The following PRICKLE1 variants were observed in gnomAD, a reference collection of about 807,000 sequenced individuals.
PRICKLE1 encodes prickle-like protein 1.
Under a neutral mutation model 70.2 loss-of-function variants are expected in PRICKLE1, and 14 were observed. That is an observed-to-expected ratio of 0.20 (90% confidence interval 0.13 to 0.31). The LOEUF (loss-of-function observed/expected upper bound fraction) is 0.31, where lower values mean the gene tolerates loss of function less well. Among genes scored for constraint, PRICKLE1 ranks in the 10% least tolerant of loss-of-function variants. The pLI is 1.00. For synonymous variants in PRICKLE1, 357 were observed against 379.9 expected (o/e 0.94, Z 0.70); for missense variants, 821 against 1,026.2 (o/e 0.80, Z 2.73).
chr12:42,578,452 C>CACAT lies in PRICKLE1; in HGVS notation c.-49+11009_-49+11012dup, dbSNP rs938889266. Among the ~76,000 whole-genome samples the CACAT allele has an allele frequency of 5.9e-5, 9 of 152,034 alleles. No homozygotes were observed. The East Asian group carries it at 1.7e-3, about 29-fold the overall frequency. Reference sequence around the variant, plus strand: ...AGGAAGTCACATAGCTTCCTTGTTGCACATATTCAATCTTCTATTAATATA... The same window carrying CACAT: ...AGGAAGTCACATAGCTTCCTTGTTGCACATACATATTCAATCTTCTATTAATATA... On this transcript the variant is annotated intron_variant, in intron 1 of 7. Transcript: ENST00000345127.
At chr12:42,521,402 T>C (rs961950623) in intron 1 of PRICKLE1, among the ~76,000 whole-genome samples, 1 of 152,014 alleles carries the variant, frequency 6.6e-6, no homozygotes, top group African/African-American at 2.4e-5. Flanking sequence ...TACAATACAG[T>C]TAAAAGCAGT....
intron 1 of PRICKLE1, among the ~76,000 whole-genome samples, chr12:42,482,366 T>A (rs986313544): frequency 6.6e-6 from 1 of 152,236 alleles, no homozygotes; most frequent in African/African-American, 2.4e-5. Context: ...TGCCATGGAA[T>A]GAGGGGCACC....
intron 1 of PRICKLE1, among the ~76,000 whole-genome samples, chr12:42,545,638 C>T (rs192997718): frequency 1.9e-3 from 288 of 152,284 alleles, no homozygotes; most frequent in African/African-American, 6.5e-3. Flanking sequence ...CACTTGAAGT[C>T]AGGAGTTTGA....
At chr12:42,527,939 A>AG (rs1939836999) in intron 1 of PRICKLE1, among the ~76,000 whole-genome samples, 2 of 29,882 alleles carry the variant, frequency 6.7e-5, no homozygotes, top group Non-Finnish European at 1.4e-4. Flanking sequence ...ATATATATAT[A>AG]TATATATATA....
intron 1 of PRICKLE1, among the ~76,000 whole-genome samples, chr12:42,474,671 C>A (rs991504212): frequency 1.3e-5 from 2 of 152,156 alleles, no homozygotes; most frequent in Non-Finnish European, 2.9e-5. Context: ...TTTGAAAAAA[C>A]CACTCCCACA....
In PRICKLE1 at chr12:42,469,884, T is replaced by A. The variant is rs528222633; in HGVS notation, c.247-297A>T. On this transcript the variant is annotated intron_variant, in intron 3 of 7. Transcript: ENST00000345127. The stretch of plus-strand genomic sequence containing the variant: ...AACCTTTCCACAAAAGGTTTAAACT[T>A]GTTAATTGCCACTTTTACTCTCCAT... 90 of 507,864 alleles carry A rather than the reference T, an allele frequency of 1.8e-4. No homozygotes were observed. In the East Asian group the frequency reaches 3.2e-3, roughly 18 times the overall value. 31.5% of individuals were successfully genotyped at this position (507,864 alleles called of 1,614,324 possible).
chr12:42,491,849 C>T (rs1939110641), intron 1 of PRICKLE1, among the ~76,000 whole-genome samples: 1 of 133,862 alleles, frequency 7.5e-6, no homozygotes, highest in South Asian at 2.5e-4. Flanking sequence ...ATGGCATGAT[C>T]TTGGCTCACT....
intron 1 of PRICKLE1, among the ~76,000 whole-genome samples, chr12:42,493,710 C>T (rs1939144955): frequency 6.6e-6 from 1 of 151,946 alleles, no homozygotes; most frequent in Admixed American, 6.6e-5. Flanking sequence ...AAATTTTTCT[C>T]CACTAGGCAC....
intron 1 of PRICKLE1, among the ~76,000 whole-genome samples, chr12:42,551,989 G>A (rs1940325213): frequency 6.6e-6 from 1 of 151,552 alleles, no homozygotes; most frequent in Non-Finnish European, 1.5e-5. Context: ...GGTGGATTTT[G>A]TCAAGTATGA....
At chr12:42,539,239 G>A (rs922348481) in intron 1 of PRICKLE1, among the ~76,000 whole-genome samples, 11 of 152,008 alleles carry the variant, frequency 7.2e-5, no homozygotes, top group African/African-American at 2.2e-4. Context: ...AGGCCGAGGC[G>A]GGTGGATCAC....
chr12:42,469,001 A>AG (rs1938214769), intron 4 of PRICKLE1, among the ~76,000 whole-genome samples, 172 bp from the exon 5 acceptor site: 1 of 152,204 alleles, frequency 6.6e-6, no homozygotes, highest in Admixed American at 6.5e-5. Flanking sequence ...CTCCACTGTA[A>AG]GGCACGTGTC....
At chr12:42,510,584 CT>C (rs34928719) in intron 1 of PRICKLE1, among the ~76,000 whole-genome samples, 3 of 151,332 alleles carry the variant, frequency 2.0e-5, no homozygotes, top group Non-Finnish European at 2.9e-5. Context: ...GAAAGCATAA[CT>C]TTTTTTTTAA....
chr12:42,515,865 C>A (rs1170043766), intron 1 of PRICKLE1, among the ~76,000 whole-genome samples: 1 of 152,188 alleles, frequency 6.6e-6, no homozygotes, highest in East Asian at 1.9e-4. Flanking sequence ...TGGTATGAAT[C>A]TACTTTCAAA....
At chr12:42,566,338 C>G (rs557917092) in intron 1 of PRICKLE1, among the ~76,000 whole-genome samples, 1 of 152,246 alleles carries the variant, frequency 6.6e-6, no homozygotes, top group East Asian at 1.9e-4. Context: ...GGTTGAATAA[C>G]TCGGTGGTTG....
intron 1 of PRICKLE1, among the ~76,000 whole-genome samples, chr12:42,555,792 G>A (rs1354793993): frequency 6.6e-6 from 1 of 152,058 alleles, no homozygotes; most frequent in Non-Finnish European, 1.5e-5. Context: ...CTTCTAGAAT[G>A]GCCATTATTT....
At chr12:42,524,244 C>G (rs1011808855) in intron 1 of PRICKLE1, among the ~76,000 whole-genome samples, 2 of 152,082 alleles carry the variant, frequency 1.3e-5, no homozygotes, top group Non-Finnish European at 2.9e-5. Context: ...GACAGTAAGT[C>G]CAAGCATCTA....
chr12:42,479,086 A>C (rs758639288), intron 1 of PRICKLE1, among the ~76,000 whole-genome samples: 16 of 152,244 alleles, frequency 1.1e-4, no homozygotes, highest in East Asian at 1.9e-4. Flanking sequence ...AGATGGTCTA[A>C]GGATGTTTTA....
rs1263543593 is a variant in PRICKLE1, at chr12:42,457,864, G to C, written c.*1945C>G. The C allele has an allele frequency of 6.6e-6, 1 of 152,276 alleles. No homozygotes were observed. Among genetic ancestry groups the C allele is most frequent in the Non-Finnish European group, 1.5e-5 (1 of 68,068 alleles). 9.4% of individuals were successfully genotyped at this position (152,276 alleles called of 1,614,324 possible). On this transcript the variant is annotated 3_prime_UTR_variant, in exon 8 of 8. Coordinates refer to ENST00000345127, the MANE Select transcript of PRICKLE1 (RefSeq NM_153026.3). ...GGGTAAGAGTGGTTACTTCTGGGGA[G>C]AGGACCTGGGGGACTGGGATGAAGA... is the stretch of plus-strand genomic sequence containing the variant.
At chr12:42,494,907 T>TA (rs1405462422) in intron 1 of PRICKLE1, among the ~76,000 whole-genome samples, 3 of 150,012 alleles carry the variant, frequency 2.0e-5, no homozygotes, top group African/African-American at 7.3e-5. Context: ...TTTTTTTTTT[T>TA]AATTTTTAAG....
Sources: allele counts gnomAD v4.1 joint callset (sites outside exome capture counted in the v4.1 genomes callset), GRCh38; gene constraint gnomAD v4.1.1; transcripts MANE v1.5; gene names NCBI Gene and HGNC (gene_info 2026-07-23, HGNC 2026-07-21).